Variants in SYNPR observed in about 807,000 individuals in gnomAD.
SYNPR encodes synaptoporin.
SYNPR carries 23 observed loss-of-function variants against 32.9 expected under a neutral mutation model. That is an observed-to-expected ratio of 0.70 (90% CI 0.50 to 0.99). The LOEUF (loss-of-function observed/expected upper bound fraction) is 0.99. SYNPR is among the 50% of genes least tolerant of loss of function. The pLI is 0.00. For synonymous variants in SYNPR, 146 were observed against 135.9 expected, an observed-to-expected ratio of 1.07 and a Z score of -0.52; for missense variants, 318 against 349.3, an observed-to-expected ratio of 0.91 and a Z score of 0.71.
At chr3:63,596,101 C>T (rs1256481837) in intron 4 of SYNPR, among the ~76,000 whole-genome samples, 4 of 150,040 alleles carry the variant, frequency 2.7e-5, no homozygotes, top group African/African-American at 7.3e-5. Context: ...CCCATTAACT[C>T]GTCATTTAGC....
At chr3:63,253,449 T>A (rs1350499463) in intron 2 of SYNPR, among the ~76,000 whole-genome samples, 4 of 152,218 alleles carry the variant, frequency 2.6e-5, no homozygotes, top group South Asian at 2.1e-4. Flanking sequence ...ATAATTTTGA[T>A]GAATAAATCC....
chr3:63,246,837 A>G (rs72878226), intron 1 of SYNPR, among the ~76,000 whole-genome samples: 5,332 of 152,008 alleles, frequency 0.035, 294 homozygotes, highest in African/African-American at 0.12. Context: ...TTACCAATTT[A>G]CAAATGATTT....
At chr3:63,552,887 C>T (rs968286620) in intron 3 of SYNPR, among the ~76,000 whole-genome samples, 12 of 152,072 alleles carry the variant, frequency 7.9e-5, no homozygotes, top group African/African-American at 2.9e-4. Flanking sequence ...AAGAAATGCC[C>T]CAATATGTTA....
At chr3:63,295,407 C>T (rs2086784302) in intron 2 of SYNPR, among the ~76,000 whole-genome samples, 1 of 152,118 alleles carries the variant, frequency 6.6e-6, no homozygotes, top group Non-Finnish European at 1.5e-5. Context: ...AATAGCAGAG[C>T]TGAGATTTAA....
chr3:63,510,250 C>A (rs898364339), intron 3 of SYNPR, among the ~76,000 whole-genome samples: 6 of 152,176 alleles, frequency 3.9e-5, no homozygotes, highest in Non-Finnish European at 8.8e-5. Flanking sequence ...CATTCAAACC[C>A]AGGTCACCCT....
At chr3:63,259,494 G>T in intron 2 of SYNPR, among the ~76,000 whole-genome samples, 1 of 152,282 alleles carries the variant, frequency 6.6e-6, no homozygotes, top group African/African-American at 2.4e-5. Flanking sequence ...CTCAATAGAT[G>T]CAGAAAAGGC....
intron 2 of SYNPR, among the ~76,000 whole-genome samples, chr3:63,351,215 T>G (rs1459680217): frequency 6.6e-6 from 1 of 152,204 alleles, no homozygotes; most frequent in East Asian, 1.9e-4. Flanking sequence ...ATAAGCACCA[T>G]AAGTACTGCT....
intron 2 of SYNPR, among the ~76,000 whole-genome samples, chr3:63,377,075 T>C (rs1426350230): frequency 6.6e-6 from 1 of 152,110 alleles, no homozygotes; most frequent in South Asian, 2.1e-4. Context: ...TATGTATAAG[T>C]TGAGGAAATG....
At chr3:63,472,669 A>G (rs1700826265) in intron 2 of SYNPR, among the ~76,000 whole-genome samples, 1 of 152,144 alleles carries the variant, frequency 6.6e-6, no homozygotes. Context: ...CTGTTGGCAA[A>G]GGATTTGCCT....
intron 3 of SYNPR, among the ~76,000 whole-genome samples, chr3:63,505,089 A>G (rs1039479674): frequency 6.6e-6 from 1 of 152,138 alleles, no homozygotes; most frequent in Non-Finnish European, 1.5e-5. Flanking sequence ...GATCAGTGTT[A>G]ACAGCTCTCA....
At chr3:63,609,435 A>T (rs774681994) in intron 5 of SYNPR, 119 bp downstream of exon 5, 4 of 836,458 alleles carry the variant, frequency 4.8e-6, no homozygotes, top group Non-Finnish European at 7.0e-6. Context: ...GCCAATCAAA[A>T]GGTGAGATAC....
chr3:63,572,243 C>G (rs1177077903), intron 4 of SYNPR, among the ~76,000 whole-genome samples: 1 of 152,122 alleles, frequency 6.6e-6, no homozygotes, highest in African/African-American at 2.4e-5. Context: ...TCCATTTTCA[C>G]CAAAATTCCA....
chr3:63,424,317 T>C (rs924453919), intron 2 of SYNPR, among the ~76,000 whole-genome samples: 2 of 152,160 alleles, frequency 1.3e-5, no homozygotes, highest in Non-Finnish European at 2.9e-5. Context: ...AGAAAACATC[T>C]TGGTGGGGTG....
intron 3 of SYNPR, among the ~76,000 whole-genome samples, chr3:63,535,917 C>A (rs540955648): frequency 5.3e-5 from 8 of 151,750 alleles, no homozygotes; most frequent in African/African-American, 1.9e-4. Context: ...TAGACAACCA[C>A]AAAAAAATAG....
intron 3 of SYNPR, among the ~76,000 whole-genome samples, chr3:63,547,975 A>G (rs1702438364): frequency 6.6e-6 from 1 of 152,200 alleles, no homozygotes; most frequent in Non-Finnish European, 1.5e-5. Flanking sequence ...CAGCAGTAGA[A>G]GTGAAATCAC....
intron 2 of SYNPR, among the ~76,000 whole-genome samples, chr3:63,416,780 C>T (rs1011888355): frequency 5.9e-5 from 9 of 152,106 alleles, no homozygotes; most frequent in East Asian, 3.9e-4. Context: ...GGAAAATTCC[C>T]CCCTGTAAAA....
chr3:63,269,537 G>A (rs112017306), intron 3 of SYNPR, among the ~76,000 whole-genome samples: 3,304 of 152,092 alleles, frequency 0.022, 123 homozygotes, highest in African/African-American at 0.076. Context: ...TTATGTAACA[G>A]CCACTCCTCT....
intron 2 of SYNPR, among the ~76,000 whole-genome samples, chr3:63,392,833 GA>G (rs1166504179): frequency 6.6e-6 from 1 of 151,698 alleles, no homozygotes; most frequent in Non-Finnish European, 1.5e-5. Flanking sequence ...ATTATTTTTG[GA>G]AAAAAACTGC....
In SYNPR at chr3:63,515,004, G is replaced by C. The variant is rs113522297; in HGVS notation, c.209+34048G>C. ...CAATGTTTAAGGCTTTTGGAATTAT[G>C]TGAGTCCCAGGGTCATGGGAATTAT... On this transcript the variant is annotated intron_variant, in intron 3 of 5. Transcript: ENST00000478300. Among the ~76,000 whole-genome samples the C allele has an allele frequency of 3.7e-3, 566 of 152,232 alleles. 3 individuals carry two copies. The highest frequency in any genetic ancestry group is 0.013 in the African/African-American group (537 of 41,554).
Sources: gnomAD v4.1 joint callset for allele counts (sites outside exome capture counted in the v4.1 genomes callset) on GRCh38, gnomAD v4.1.1 for gene constraint, MANE v1.5 for transcripts, NCBI Gene and HGNC (gene_info 2026-07-23, HGNC 2026-07-21) for gene names.